The following PDE1A variants were observed in gnomAD, a reference collection of about 807,000 sequenced individuals.
The protein encoded by PDE1A is dual specificity calcium/calmodulin-dependent 3',5'-cyclic nucleotide phosphodiesterase 1A.
PDE1A carries 35 observed loss-of-function variants against 61.7 expected under a neutral mutation model. The observed-to-expected ratio is 0.57, with a 90% CI of 0.43 to 0.75. PDE1A has a LOEUF of 0.75. PDE1A is among the 30% of genes least tolerant of loss of function. The pLI is 0.00. For missense variants in PDE1A, 597 were observed against 630.6 expected, an observed-to-expected ratio of 0.95 and a Z score of 0.57; for synonymous variants, 232 against 213.2, an observed-to-expected ratio of 1.09 and a Z score of -0.77.
chr2:182,256,588 A>G (rs1691836260), intron 2 of PDE1A, among the ~76,000 whole-genome samples: 1 of 152,082 alleles, frequency 6.6e-6, no homozygotes, highest in African/African-American at 2.4e-5. Context: ...CATTATTCAC[A>G]ATAGCAAAGA....
chr2:182,283,247 G>A (rs1693933587), intron 1 of PDE1A, among the ~76,000 whole-genome samples: 1 of 152,108 alleles, frequency 6.6e-6, no homozygotes, highest in East Asian at 1.9e-4. Context: ...GTAGTAAATG[G>A]TCACCTATAT....
chr2:182,205,623 A>C (rs975894685), intron 8 of PDE1A, among the ~76,000 whole-genome samples: 67 of 152,210 alleles, frequency 4.4e-4, no homozygotes, highest in African/African-American at 1.5e-3. Flanking sequence ...GTAACACCCC[A>C]TATTGATAAA....
At chr2:182,224,243 C>T (rs1034324257) in intron 6 of PDE1A, among the ~76,000 whole-genome samples, 1 of 151,844 alleles carries the variant, frequency 6.6e-6, no homozygotes, top group Non-Finnish European at 1.5e-5. Context: ...TGAACCCTAA[C>T]TGGATTTTGA....
intron 1 of PDE1A, among the ~76,000 whole-genome samples, chr2:182,273,373 T>A (rs1693171975): frequency 6.6e-6 from 1 of 151,944 alleles, no homozygotes; most frequent in South Asian, 2.1e-4. Flanking sequence ...TGAAAAGGTA[T>A]GAAGCATCCA....
chr2:182,572,372 A>G, the PDE1A span, among the ~76,000 whole-genome samples: 2 of 152,174 alleles, frequency 1.3e-5, no homozygotes, highest in African/African-American at 2.4e-5. Context: ...AGGAGGAAGG[A>G]AAGAGAAGAA....
chr2:182,234,367 T>A (rs1024354428), intron 4 of PDE1A, 65 bp downstream of exon 4: 1 of 1,066,698 alleles, frequency 9.4e-7, no homozygotes, highest in Non-Finnish European at 1.4e-6. Flanking sequence ...CATTTTCTCA[T>A]AGCCTTTTTA....
intron 1 of PDE1A, among the ~76,000 whole-genome samples, chr2:182,423,868 G>A (rs955439882): frequency 1.3e-5 from 2 of 151,762 alleles, no homozygotes; most frequent in Non-Finnish European, 2.9e-5. Context: ...TTCAATTATA[G>A]GGGAAATTAG....
intron 1 of PDE1A, among the ~76,000 whole-genome samples, chr2:182,415,782 T>C (rs938269925): frequency 2.6e-5 from 4 of 152,168 alleles, no homozygotes; most frequent in African/African-American, 2.4e-5. Flanking sequence ...CAACTTTTTT[T>C]CTCTCTCCAT....
At chr2:182,352,372 G>T (rs1049207411) in intron 1 of PDE1A, among the ~76,000 whole-genome samples, 6 of 152,228 alleles carry the variant, frequency 3.9e-5, no homozygotes, top group Non-Finnish European at 7.3e-5. Context: ...CTGTGCACAA[G>T]TAGAGTTTTG....
At chr2:182,380,024 T>A (rs1336148446) in intron 1 of PDE1A, among the ~76,000 whole-genome samples, 1 of 152,066 alleles carries the variant, frequency 6.6e-6, no homozygotes, top group Non-Finnish European at 1.5e-5. Flanking sequence ...GGTCCTTTAC[T>A]CTATCATGCC....
chr2:182,400,358 T>C (rs1291708712), intron 1 of PDE1A, among the ~76,000 whole-genome samples: 1 of 152,232 alleles, frequency 6.6e-6, no homozygotes, highest in African/African-American at 2.4e-5. Context: ...AATACACTTC[T>C]GTAAAATAAG....
At chr2:182,187,737 C>CTTTTTTTTTTT (rs1038970569) in intron 11 of PDE1A, among the ~76,000 whole-genome samples, 1,184 of 66,434 alleles carry the variant, frequency 0.018, 5 homozygotes, top group Non-Finnish European at 0.021. Context: ...TTTTTTTGTT[C>CTTTTTTTTTTT]TTTTTTTTTT....
chr2:182,516,259 C>T (rs1209253485), intron 2 of PDE1A, among the ~76,000 whole-genome samples: 2 of 152,062 alleles, frequency 1.3e-5, no homozygotes, highest in African/African-American at 2.4e-5. Flanking sequence ...GCCCTTGGCT[C>T]GTGGCCCACT....
At chr2:182,586,789 C>T in the PDE1A span, among the ~76,000 whole-genome samples, 1 of 152,172 alleles carries the variant, frequency 6.6e-6, no homozygotes, top group Non-Finnish European at 1.5e-5. Flanking sequence ...TTTATTCATG[C>T]ATTCATCCAT....
the PDE1A span, among the ~76,000 whole-genome samples, chr2:182,642,041 TTTTC>T: frequency 2.6e-4 from 39 of 152,188 alleles, no homozygotes; most frequent in Non-Finnish European, 8.8e-5. Flanking sequence ...ATGAGAAAAG[TTTTC>T]ACGGAAAGGT....
At chr2:182,162,833 AGTT>A (rs1691454929) in intron 13 of PDE1A, among the ~76,000 whole-genome samples, 1 of 152,150 alleles carries the variant, frequency 6.6e-6, no homozygotes, top group Admixed American at 6.6e-5. Flanking sequence ...CCCATAAGGT[AGTT>A]ATTTCCCCAG....
chr2:182,251,645 C>A (rs184457373), intron 2 of PDE1A, among the ~76,000 whole-genome samples: 3 of 152,132 alleles, frequency 2.0e-5, no homozygotes, highest in African/African-American at 7.2e-5. Context: ...TCACAGCTTG[C>A]CAATTAATGG....
chr2:182,374,609 T>C (rs1700290453), intron 1 of PDE1A, among the ~76,000 whole-genome samples: 1 of 152,152 alleles, frequency 6.6e-6, no homozygotes, highest in Admixed American at 6.6e-5. Context: ...ATACAGATCA[T>C]ATTAAAATCT....
chr2:182,565,233 T>G, the PDE1A span, among the ~76,000 whole-genome samples: 3 of 152,180 alleles, frequency 2.0e-5, no homozygotes, highest in African/African-American at 7.2e-5. Context: ...GGGTTTTTGG[T>G]GTGGATGTCC....
Sources: gnomAD v4.1 joint callset for allele counts (sites outside exome capture counted in the v4.1 genomes callset) on GRCh38, gnomAD v4.1.1 for gene constraint, MANE v1.5 for transcripts, NCBI Gene and HGNC (gene_info 2026-07-23, HGNC 2026-07-21) for gene names.